The following COPS3 variants were observed in gnomAD, a reference collection of about 807,000 sequenced individuals.
The protein encoded by COPS3 is COP9 signalosome subunit 3, also known as COP9 signalosome complex subunit 3.
Under a neutral mutation model 58.2 loss-of-function variants are expected in COPS3, and 10 were observed. That is an observed-to-expected ratio of 0.17 (90% CI 0.11 to 0.29). The LOEUF is 0.29. COPS3 is among the 10% of genes least tolerant of loss of function. COPS3 has a pLI of 1.00. For synonymous variants in COPS3, 187 were observed against 181.7 expected (o/e 1.03, Z -0.24); for missense variants, 333 against 510.1 (o/e 0.65, Z 3.34).
intron 8 of COPS3, among the ~76,000 whole-genome samples, chr17:17,258,383 C>CT (rs1480265999): frequency 6.6e-5 from 10 of 152,338 alleles, no homozygotes; most frequent in East Asian, 1.9e-4. Context: ...ACTGCAACCT[C>CT]TATCTCCTGG....
chr17:17,274,768 T>A (rs1258811020), intron 2 of COPS3, among the ~76,000 whole-genome samples: 3 of 151,698 alleles, frequency 2.0e-5, no homozygotes, highest in Non-Finnish European at 4.4e-5. Flanking sequence ...TTTTTTTTTT[T>A]AAAGAATTTG....
At chr17:17,280,991 TA>T in intron 1 of COPS3, 140 bp downstream of exon 1, 1 of 1,053,072 alleles carries the variant, frequency 9.5e-7, no homozygotes, top group Non-Finnish European at 1.4e-6. Flanking sequence ...TGCCCTGATC[TA>T]AACGCCGCAA....
In COPS3 at chr17:17,254,931, T is replaced by C. The variant is rs141030201; in HGVS notation, c.951A>G (p.Leu317=). ...IQRLTKTFLT[L]SLQDMASRVQ... ...CACGACTTGCCATATCTTGTAATGA[T>C]AGAGTTAAAAAGGTCTGAAAGTCAG... Residue 317 remains leucine (L), a synonymous_variant, in exon 9 of 12, where the codon CTA becomes CTG. Transcript: ENST00000268717. The C allele has an allele frequency of 3.2e-5, 52 of 1,612,278 alleles. No homozygotes were observed. The East Asian group carries it at 1.1e-3, about 34-fold the overall frequency.
chr17:17,254,205 G>A (rs1487623604), intron 9 of COPS3, among the ~76,000 whole-genome samples: 1 of 151,540 alleles, frequency 6.6e-6, no homozygotes, highest in Non-Finnish European at 1.5e-5. Context: ...CTACTTGGGA[G>A]GCTGAGGTGG....
chr17:17,280,308 C>G lies in COPS3; in HGVS notation c.55+824G>C, dbSNP rs561008400. On this transcript the variant is annotated intron_variant, in intron 1 of 11. Transcript: ENST00000268717. Reference sequence around the variant, plus strand: ...ATCCCAGCTACTCGGGAGGCTGAGACAGGAGAATCGCTTGAACCTCGAAGG... The same window carrying G: ...ATCCCAGCTACTCGGGAGGCTGAGAGAGGAGAATCGCTTGAACCTCGAAGG... 2.6e-5 allele frequency among the ~76,000 whole-genome samples: 4 copies of G among 151,944 alleles called. No individual in the cohort carries two copies. In the East Asian group the frequency reaches 7.8e-4, roughly 30 times the overall value.
chr17:17,247,383 A>G, intron 11 of COPS3, 97 bp downstream of exon 11: 1 of 1,211,366 alleles, frequency 8.3e-7, no homozygotes, highest in Non-Finnish European at 1.2e-6. Flanking sequence ...TTTTCAAGAA[A>G]TATTTAATAA....
chr17:17,261,396 C>G (rs1392143563), intron 7 of COPS3, among the ~76,000 whole-genome samples: 1 of 152,070 alleles, frequency 6.6e-6, no homozygotes, highest in East Asian at 1.9e-4. Flanking sequence ...CATGGTGGCA[C>G]ACACCTGTAG....
At chr17:17,254,256 C>T (rs2047912489) in intron 9 of COPS3, among the ~76,000 whole-genome samples, 2 of 141,172 alleles carry the variant, frequency 1.4e-5, no homozygotes, top group African/African-American at 5.3e-5. Flanking sequence ...TGCAGTGAGC[C>T]GAGATTGCAC....
intron 1 of COPS3, among the ~76,000 whole-genome samples, chr17:17,279,850 G>A (rs2048537365): frequency 6.6e-6 from 1 of 152,184 alleles, no homozygotes; most frequent in African/African-American, 2.4e-5. Context: ...AGTTAAAAGG[G>A]CCTTCACAGC....
At chr17:17,280,950 G>A (rs774593812) in intron 1 of COPS3, among the ~76,000 whole-genome samples, 182 bp downstream of exon 1, 1 of 152,290 alleles carries the variant, frequency 6.6e-6, no homozygotes, top group East Asian at 1.9e-4. Flanking sequence ...GGAGCGCGAG[G>A]GGGCTGCCTA....
intron 5 of COPS3, among the ~76,000 whole-genome samples, chr17:17,266,130 T>TCC (rs1354525779): frequency 6.6e-6 from 1 of 152,158 alleles, no homozygotes; most frequent in Non-Finnish European, 1.5e-5. Flanking sequence ...TTTGAAATAA[T>TCC]CCACATACCA....
chr17:17,270,775 G>T lies in COPS3; in HGVS notation c.331C>A (p.Leu111Ile). The change falls in exon 4 of 12, where the codon CTT (leucine) becomes ATT (isoleucine). Residue 111 changes from leucine to isoleucine, a missense_variant. Coordinates refer to ENST00000268717, the MANE Select transcript of COPS3 (RefSeq NM_003653.4). ...TTTCTTACCTGTTTTCTTTCCACAA[G>T]TGCATTTGTTAGCTGATGGCAAAGC... is the stretch of plus-strand genomic sequence containing the variant. ...AGLCHQLTNA[L>I]VERKQPLRGI... 6.3e-7 allele frequency: 1 copy of T among 1,596,612 alleles called. No homozygotes were observed. Among genetic ancestry groups the T allele is most frequent in the Non-Finnish European group, 8.5e-7 (1 of 1,169,862 alleles).
chr17:17,261,550 A>G, intron 7 of COPS3: 1 of 341,162 alleles, frequency 2.9e-6, no homozygotes, highest in Non-Finnish European at 5.6e-6. Flanking sequence ...AAATAAATAA[A>G]ATGAAAAATA....
intron 10 of COPS3, among the ~76,000 whole-genome samples, chr17:17,248,298 A>G (rs918389572): frequency 3.3e-5 from 5 of 152,130 alleles, no homozygotes; most frequent in Non-Finnish European, 4.4e-5. Flanking sequence ...CCATTTATTT[A>G]CAGCCATACA....
intron 1 of COPS3, chr17:17,280,878 CA>C (rs1373082826): frequency 1.2e-5 from 13 of 1,051,052 alleles, no homozygotes; most frequent in Non-Finnish European, 1.6e-5. Flanking sequence ...GGAAGGGGCC[CA>C]GGCCGGGGGG....
intron 2 of COPS3, among the ~76,000 whole-genome samples, chr17:17,274,568 G>A (rs2048420947): frequency 6.6e-6 from 1 of 151,750 alleles, no homozygotes; most frequent in Non-Finnish European, 1.5e-5. Flanking sequence ...GGGACTACAG[G>A]TGCATGCCAC....
chr17:17,254,822 A>AG (rs751592298), intron 9 of COPS3, 37 bp downstream of exon 9: 8 of 1,372,338 alleles, frequency 5.8e-6, no homozygotes, highest in Non-Finnish European at 7.9e-6. Context: ...AAGAAAAAAA[A>AG]AAAAAAAAAA....
chr17:17,277,196 A>T (rs1386260075), intron 1 of COPS3, among the ~76,000 whole-genome samples: 4 of 152,112 alleles, frequency 2.6e-5, no homozygotes, highest in African/African-American at 9.7e-5. Context: ...TGGCGTCTCT[A>T]GACCCTCATC....
At chr17:17,268,835 CAA>C in intron 4 of COPS3, among the ~76,000 whole-genome samples, 1 of 145,804 alleles carries the variant, frequency 6.9e-6, no homozygotes, top group Non-Finnish European at 1.5e-5. Context: ...ACAACAACAA[CAA>C]CAACAACAAC....
Sources: allele counts gnomAD v4.1 joint callset (sites outside exome capture counted in the v4.1 genomes callset), GRCh38; gene constraint gnomAD v4.1.1; transcripts MANE v1.5; gene names NCBI Gene and HGNC (gene_info 2026-07-23, HGNC 2026-07-21).